HDX: variants seen among roughly 807,000 people sequenced by gnomAD.
HDX encodes chromosome X open reading frame 43.
Under a neutral mutation model 45.2 loss-of-function variants are expected in HDX, and 19 were observed. That is an observed-to-expected ratio of 0.42 (90% CI 0.29 to 0.62). The LOEUF is 0.62. Among genes scored for constraint, HDX ranks in the 20% least tolerant of loss-of-function variants. The pLI, the probability that HDX is intolerant of heterozygous loss-of-function variation, is 0.20. For synonymous variants in HDX, 188 were observed against 172.8 expected, an observed-to-expected ratio of 1.09 and a Z score of -0.69; for missense variants, 532 against 493.9, an observed-to-expected ratio of 1.08 and a Z score of -0.73.
chrX:84,427,540 AT>A (rs1281001746), intron 5 of HDX, among the ~76,000 whole-genome samples: 1 of 111,133 alleles, frequency 9.0e-6, no homozygotes, highest in African/African-American at 3.3e-5. Context: ...TTTTATATAG[AT>A]CAAGGCATAC....
In HDX at chrX:84,319,302, A is replaced by G. The variant is rs1252897892; in HGVS notation, c.*2587T>C. 1 of 111,010 alleles carries G rather than the reference A, an allele frequency of 9.0e-6. No individual in the cohort carries two copies. The highest frequency in any genetic ancestry group is 9.6e-5 in the Admixed American group (1 of 10,431). 9.1% of individuals were successfully genotyped at this position (111,010 alleles called of 1,213,427 possible). The stretch of plus-strand genomic sequence containing the variant: ...CATGAAGATGTCCACAAGAGTAATT[A>G]TAAGCTGATAATTTTTCCTGCTCTA... On this transcript the variant is annotated 3_prime_UTR_variant, in exon 11 of 11. Coordinates refer to ENST00000373177, the MANE Select transcript of HDX (RefSeq NM_001177479.2).
chrX:84,459,240 A>G (rs1349141030), intron 4 of HDX, among the ~76,000 whole-genome samples: 1 of 111,335 alleles, frequency 9.0e-6, no homozygotes, highest in East Asian at 2.8e-4. Context: ...CAGGAGATCA[A>G]GACCATCCTG....
chrX:84,435,662 C>T (rs1171433726), intron 5 of HDX, among the ~76,000 whole-genome samples: 2 of 105,533 alleles, frequency 1.9e-5, no homozygotes, highest in Non-Finnish European at 3.9e-5. Context: ...ATGGTAATGC[C>T]TAGGTTTTCT....
chrX:84,333,651 C>A (rs764634031), intron 9 of HDX, 108 bp downstream of exon 9: 45 of 396,961 alleles, frequency 1.1e-4, no homozygotes, highest in Non-Finnish European at 1.8e-4. Flanking sequence ...AGAATTAATG[C>A]AGAGCCTTAG....
intron 5 of HDX, among the ~76,000 whole-genome samples, chrX:84,370,181 T>C (rs748137189): frequency 8.9e-6 from 1 of 111,919 alleles, no homozygotes; most frequent in Non-Finnish European, 1.9e-5. Context: ...TTTCTATCCT[T>C]TGGACTCAGA....
chrX:84,473,622 A>T (rs778418390), intron 3 of HDX, among the ~76,000 whole-genome samples: 1 of 111,484 alleles, frequency 9.0e-6, no homozygotes, highest in African/African-American at 3.3e-5. Context: ...AAATCTCTGT[A>T]TTTCAACACT....
At chrX:84,466,642 A>C (rs1000004518) in intron 4 of HDX, among the ~76,000 whole-genome samples, 1 of 112,460 alleles carries the variant, frequency 8.9e-6, no homozygotes, top group African/African-American at 3.2e-5. Context: ...TAAAGGTAAA[A>C]TCACAGGTTA....
chrX:84,396,558 G>T (rs1205558557), intron 5 of HDX, among the ~76,000 whole-genome samples: 1 of 112,260 alleles, frequency 8.9e-6, no homozygotes, highest in Non-Finnish European at 1.9e-5. Context: ...GTGGTGGCCA[G>T]ATGGGTGGGA....
In HDX at chrX:84,475,278, C is replaced by G; in HGVS notation, c.120G>C (p.Glu40Asp). The G allele has an allele frequency of 1.7e-6, 2 of 1,198,977 alleles. No individual in the cohort carries two copies. Among genetic ancestry groups the G allele is most frequent in the Non-Finnish European group, 2.3e-6 (2 of 888,720 alleles). ...CFQLILQCAQ[E>D]TKLDFSVVRT... is the part of the protein sequence containing the mutation. ...TGACTACACTGAAGTCCAGCTTAGT[C>G]TCCTGTGCACACTGTAATATGAGCT... The change falls in exon 3 of 11, where the codon GAG (glutamate) becomes GAC (aspartate). Residue 40 changes from glutamate (E) to aspartate (D), a missense_variant. By Grantham distance (45) the Glu-to-Asp change is conservative (BLOSUM62 2). Transcript: ENST00000373177.
intron 4 of HDX, among the ~76,000 whole-genome samples, chrX:84,451,444 C>T (rs894162489): frequency 9.1e-6 from 1 of 110,095 alleles, no homozygotes; most frequent in Non-Finnish European, 1.9e-5. Context: ...CGTTTCTGGA[C>T]ACAAACAACC....
chrX:84,400,280 A>G (rs1224947742), intron 5 of HDX, among the ~76,000 whole-genome samples: 2 of 110,136 alleles, frequency 1.8e-5, no homozygotes, highest in Non-Finnish European at 3.8e-5. Context: ...GTTTGCAGAC[A>G]ATATGATTCT....
Position 84,459,314 on chromosome X carries a change from C to T in HDX, c.1251+9158G>A, listed in dbSNP as rs772834032. On this transcript the variant is annotated intron_variant, in intron 4 of 10. Coordinates refer to ENST00000373177, the MANE Select transcript of HDX (RefSeq NM_001177479.2). ...AAAATTAGCCGGGCGTGGTGGCGGG[C>T]GCCTGTAGTCCCAGCTGCTCGGGAG... is the stretch of plus-strand genomic sequence containing the variant. Among the ~76,000 whole-genome samples the T allele has an allele frequency of 2.7e-5, 3 of 109,580 alleles. No homozygotes were observed. The South Asian group carries it at 1.2e-3, about 43-fold the overall frequency.
intron 4 of HDX, among the ~76,000 whole-genome samples, chrX:84,456,180 A>G (rs1307075629): frequency 8.9e-6 from 1 of 112,109 alleles, no homozygotes; most frequent in Non-Finnish European, 1.9e-5. Context: ...ACAGAATTTT[A>G]TAACACTATT....
intron 5 of HDX, among the ~76,000 whole-genome samples, chrX:84,415,144 T>A (rs1388526487): frequency 1.8e-5 from 2 of 111,910 alleles, no homozygotes; most frequent in Non-Finnish European, 3.8e-5. Flanking sequence ...AAACTTTCAT[T>A]TCTTGTGTAT....
chrX:84,365,643 A>C (rs1185723383), intron 5 of HDX, among the ~76,000 whole-genome samples: 1 of 111,614 alleles, frequency 9.0e-6, no homozygotes, highest in Non-Finnish European at 1.9e-5. Flanking sequence ...ATAAAGAGCT[A>C]TTTTAATAGC....
Position 84,474,386 on chromosome X carries a change from T to C in HDX, c.147+865A>G, listed in dbSNP as rs182878228. ...CCTATTTGAAGGCGAATAAATCTTT[T>C]AGTCTTTAAGAAACACATATTCTGA... On this transcript the variant is annotated intron_variant, in intron 3 of 10. Coordinates refer to ENST00000373177, the MANE Select transcript of HDX (RefSeq NM_001177479.2). Among the ~76,000 whole-genome samples the C allele has an allele frequency of 2.7e-5, 3 of 112,801 alleles. No individual in the cohort carries two copies. The East Asian group carries it at 8.3e-4, about 31-fold the overall frequency.
rs368390437 is a variant in HDX at position 84,484,560 on chromosome X, G to T, written c.-1+3464C>A. ...CGCCCACAACACATGGGGATTATGGGAACTATAATTCAAGATGAGATTTTG... is the reference window on the plus strand; with the variant it reads ...CGCCCACAACACATGGGGATTATGGTAACTATAATTCAAGATGAGATTTTG... On this transcript the variant is annotated intron_variant, in intron 2 of 10. Transcript: ENST00000373177. Among the ~76,000 whole-genome samples the T allele has an allele frequency of 3.6e-5, 4 of 111,655 alleles. No homozygotes were observed. The East Asian group carries it at 1.1e-3, about 32-fold the overall frequency.
chrX:84,434,969 G>C (rs2039588681), intron 5 of HDX, among the ~76,000 whole-genome samples: 2 of 110,221 alleles, frequency 1.8e-5, no homozygotes, highest in South Asian at 7.5e-4. Flanking sequence ...GCTGTTCATA[G>C]TAGTTTTAAT....
chrX:84,357,133 A>T (rs2147837733), intron 6 of HDX, among the ~76,000 whole-genome samples: 1 of 111,676 alleles, frequency 9.0e-6, no homozygotes, highest in Non-Finnish European at 1.9e-5. Context: ...ATTGGAGAAT[A>T]AATTAAGGGA....
Sources: allele counts gnomAD v4.1 joint callset (sites outside exome capture counted in the v4.1 genomes callset), GRCh38; gene constraint gnomAD v4.1.1; transcripts MANE v1.5; gene names NCBI Gene and HGNC (gene_info 2026-07-23, HGNC 2026-07-21).